The following KAZN variants were observed in gnomAD, a reference collection of about 807,000 sequenced individuals.
The protein encoded by KAZN is kazrin, periplakin interacting protein.
A neutral mutation model predicts 87.4 loss-of-function variants in KAZN; 40 were observed. That is an observed-to-expected ratio of 0.46 (90% CI 0.36 to 0.60). The LOEUF is 0.60. KAZN is among the 20% of genes least tolerant of loss of function. The pLI is 0.00. For missense variants in KAZN, 898 were observed against 1,073.9 expected, an observed-to-expected ratio of 0.84 and a Z score of 2.29; for synonymous variants, 466 against 458.3, an observed-to-expected ratio of 1.02 and a Z score of -0.22.
chr1:14,664,399 C>G (rs1194581569), intron 1 of KAZN, among the ~76,000 whole-genome samples: 1 of 152,180 alleles, frequency 6.6e-6, no homozygotes. Context: ...TGCCACTGCA[C>G]TCCATCCTGG....
chr1:14,023,190 G>T (rs1209282208), intron 1 of KAZN, among the ~76,000 whole-genome samples: 1 of 152,120 alleles, frequency 6.6e-6, no homozygotes, highest in Non-Finnish European at 1.5e-5. Context: ...AGGCATGTTG[G>T]CATGCGCCTG....
intron 1 of KAZN, among the ~76,000 whole-genome samples, chr1:14,854,347 C>T (rs75541085): frequency 1.3e-5 from 2 of 152,320 alleles, no homozygotes; most frequent in African/African-American, 2.4e-5. Context: ...ATTTCAATCA[C>T]CTCTTGTTTT....
chr1:13,931,976 G>A (rs1054135707), intron 1 of KAZN, among the ~76,000 whole-genome samples: 1 of 150,980 alleles, frequency 6.6e-6, no homozygotes, highest in African/African-American at 2.4e-5. Context: ...CAAGTAGCTG[G>A]AACTACAGGC....
chr1:13,974,028 G>A (rs1289950248), intron 1 of KAZN, among the ~76,000 whole-genome samples: 2 of 152,258 alleles, frequency 1.3e-5, no homozygotes, highest in African/African-American at 2.4e-5. Context: ...AAAGTCTGGT[G>A]GAAACCAGGC....
intron 2 of KAZN, among the ~76,000 whole-genome samples, chr1:15,005,090 A>C (rs1347235253): frequency 6.6e-6 from 1 of 152,190 alleles, no homozygotes; most frequent in Non-Finnish European, 1.5e-5. Context: ...GCTGGGAATG[A>C]GGGGTGCCAT....
intron 2 of KAZN, among the ~76,000 whole-genome samples, chr1:14,406,726 T>C (rs1663883668): frequency 6.6e-6 from 1 of 152,178 alleles, no homozygotes; most frequent in Admixed American, 6.6e-5. Context: ...AAACAAGTAT[T>C]AATCTCATCC....
intron 2 of KAZN, among the ~76,000 whole-genome samples, chr1:14,989,263 G>A (rs1667122466): frequency 6.6e-6 from 1 of 152,210 alleles, no homozygotes; most frequent in Admixed American, 6.5e-5. Flanking sequence ...ATCACTTGAG[G>A]TCAGGAGTTC....
chr1:14,688,851 T>G (rs1641114255), intron 1 of KAZN, among the ~76,000 whole-genome samples: 1 of 152,212 alleles, frequency 6.6e-6, no homozygotes. Context: ...AGAGGACAAA[T>G]TTGGACAAAA....
chr1:14,697,151 AAAAAAAG>A (rs1171843517), intron 1 of KAZN, among the ~76,000 whole-genome samples: 6,519 of 143,212 alleles, frequency 0.046, 146 homozygotes, highest in Middle Eastern at 0.11. Flanking sequence ...AAAAAAAAAA[AAAAAAAG>A]AAAAGAAAAG....
Position 13,968,539 on chromosome 1 carries a change from C to T in KAZN, c.91+74783C>T, listed in dbSNP as rs145251155. ...CTCCTCACGTGACGGGTCTACACTT[C>T]CTATCTACTTCCGCATTGTCCATTC... is the stretch of plus-strand genomic sequence containing the variant. On this transcript the variant is annotated intron_variant, in intron 1 of 16. Coordinates refer to the KAZN transcript ENST00000636203. Among the ~76,000 whole-genome samples, 542 of 152,326 alleles carry T rather than the reference C, an allele frequency of 3.6e-3. 3 individuals are homozygous for T. The highest frequency in any genetic ancestry group is 6.8e-3 in the Middle Eastern group (2 of 294).
At chr1:14,142,163 C>T (rs576925006) in intron 1 of KAZN, among the ~76,000 whole-genome samples, 1 of 142,308 alleles carries the variant, frequency 7.0e-6, no homozygotes, top group East Asian at 2.1e-4. Context: ...GGTTTACAGG[C>T]TGAACCTAAG....
chr1:14,064,143 C>T (rs1156253015), intron 1 of KAZN, among the ~76,000 whole-genome samples: 1 of 152,116 alleles, frequency 6.6e-6, no homozygotes, highest in Non-Finnish European at 1.5e-5. Context: ...GTCTTGAACT[C>T]CTGACCTCAT....
intron 2 of KAZN, among the ~76,000 whole-genome samples, chr1:14,314,388 A>G (rs1655509230): frequency 6.6e-6 from 1 of 152,150 alleles, no homozygotes; most frequent in Non-Finnish European, 1.5e-5. Context: ...TCACTCTGAT[A>G]TACTTGATCT....
intron 2 of KAZN, among the ~76,000 whole-genome samples, chr1:14,478,817 T>C (rs2148386719): frequency 6.6e-6 from 1 of 152,310 alleles, no homozygotes; most frequent in African/African-American, 2.4e-5. Flanking sequence ...GGTCAGAGTG[T>C]GTCCTGGTTT....
At chr1:13,933,085 G>T (rs4662049) in intron 1 of KAZN, among the ~76,000 whole-genome samples, 82,299 of 151,884 alleles carry the variant, frequency 0.54, 22,631 homozygotes, top group Admixed American at 0.67. Flanking sequence ...CATTGTACAT[G>T]ACTATCACGT....
At chr1:14,635,336 G>T (rs75799368) in intron 1 of KAZN, among the ~76,000 whole-genome samples, 23 of 152,296 alleles carry the variant, frequency 1.5e-4, no homozygotes, top group Non-Finnish European at 2.9e-4. Flanking sequence ...AACATCCCTG[G>T]TCTCCACCCA....
intron 1 of KAZN, among the ~76,000 whole-genome samples, chr1:14,910,061 T>TAAATAATGAATG (rs71000348): frequency 0.26 from 38,789 of 147,088 alleles, 6,192 homozygotes; most frequent in Non-Finnish European, 0.34. Flanking sequence ...AATAAATAAA[T>TAAATAATGAATG]AATGAATGAA....
intron 1 of KAZN, among the ~76,000 whole-genome samples, chr1:14,655,195 C>T (rs537116211): frequency 6.6e-6 from 1 of 152,148 alleles, no homozygotes; most frequent in East Asian, 1.9e-4. Flanking sequence ...CTGGTGAAGA[C>T]TCCAACCCCC....
intron 1 of KAZN, among the ~76,000 whole-genome samples, chr1:14,047,247 C>T (rs1278525125): frequency 6.6e-6 from 1 of 152,196 alleles, no homozygotes; most frequent in Non-Finnish European, 1.5e-5. Context: ...CTGTTGCTGG[C>T]TTCTGAAGCT....
Sources: allele counts gnomAD v4.1 joint callset (sites outside exome capture counted in the v4.1 genomes callset), GRCh38; gene constraint gnomAD v4.1.1; transcripts MANE v1.5; gene names NCBI Gene and HGNC (gene_info 2026-07-23, HGNC 2026-07-21).